The following LARP1B variants were observed in gnomAD, a reference collection of about 807,000 sequenced individuals.
LARP1B encodes La ribonucleoprotein 1B, also known as la-related protein 1B.
Under a neutral mutation model 114.2 loss-of-function variants are expected in LARP1B, and 76 were observed. That is an observed-to-expected ratio of 0.67 (90% CI 0.55 to 0.81). LARP1B has a LOEUF of 0.81. Among genes scored for constraint, LARP1B ranks in the 30% least tolerant of loss-of-function variants. LARP1B has a pLI of 0.00. For missense variants in LARP1B, 1,014 were observed against 1,075.8 expected, an observed-to-expected ratio of 0.94 and a Z score of 0.80; for synonymous variants, 345 against 348.0, an observed-to-expected ratio of 0.99 and a Z score of 0.10.
chr4:128,123,269 T>A (rs1266029380), intron 11 of LARP1B: 29 of 985,440 alleles, frequency 2.9e-5, no homozygotes, highest in Non-Finnish European at 3.5e-5. Context: ...CCTTAGCAGT[T>A]CTCTGCCTGT....
At chr4:128,189,973 A>G (rs911856990) in intron 15 of LARP1B, among the ~76,000 whole-genome samples, 2 of 152,212 alleles carry the variant, frequency 1.3e-5, no homozygotes, top group African/African-American at 4.8e-5. Flanking sequence ...ACATGTAACA[A>G]TTACTGCATT....
intron 15 of LARP1B, among the ~76,000 whole-genome samples, chr4:128,191,824 G>A (rs1303912786): frequency 6.6e-6 from 1 of 152,104 alleles, no homozygotes; most frequent in Non-Finnish European, 1.5e-5. Context: ...TCCTGCAAGG[G>A]AACCCAAGAT....
At chr4:128,144,678 A>G (rs1480175037) in intron 11 of LARP1B, among the ~76,000 whole-genome samples, 1 of 151,838 alleles carries the variant, frequency 6.6e-6, no homozygotes, top group Non-Finnish European at 1.5e-5. Context: ...ATTGGACTGT[A>G]TTTATCATTC....
Position 128,210,458 on chromosome 4 carries a change from CTCT to C in LARP1B, c.*410_*412del, listed in dbSNP as rs902753713. 2.4e-5 allele frequency: 24 copies of C among 1,002,488 alleles called. No individual in the cohort carries two copies. The African/African-American group carries it at 4.2e-4, about 17-fold the overall frequency. 62.1% of individuals were successfully genotyped at this position (1,002,488 alleles called of 1,614,324 possible). On this transcript the variant is annotated 3_prime_UTR_variant, in exon 20 of 20. Coordinates refer to ENST00000326639, the MANE Select transcript of LARP1B (RefSeq NM_018078.4). Reference sequence around the variant, plus strand: ...TAAAGAAGATATAGTATGTTGTATTCTCTTCTTAGAGCTTTCTTAAAGAATCCA... The same window carrying C: ...TAAAGAAGATATAGTATGTTGTATTCTCTTAGAGCTTTCTTAAAGAATCCA...
intron 9 of LARP1B, chr4:128,108,324 C>A: frequency 9.9e-7 from 1 of 1,006,704 alleles, no homozygotes; most frequent in East Asian, 9.9e-5. Context: ...TTCTTAAGTA[C>A]TTTGCTATTC....
At chr4:128,129,846 C>T (rs1019393347) in intron 11 of LARP1B, among the ~76,000 whole-genome samples, 3 of 151,962 alleles carry the variant, frequency 2.0e-5, no homozygotes, top group African/African-American at 7.3e-5. Flanking sequence ...TGAATCTTCA[C>T]CCTTCAGAAA....
intron 11 of LARP1B, chr4:128,123,704 A>G (rs1027226185): frequency 2.1e-5 from 20 of 960,900 alleles, no homozygotes; most frequent in Non-Finnish European, 2.1e-5. Context: ...AACATTATGC[A>G]TTAACCAAAG....
intron 8 of LARP1B, among the ~76,000 whole-genome samples, chr4:128,101,561 GTTTT>G (rs35662647): frequency 7.8e-6 from 1 of 128,686 alleles, no homozygotes; most frequent in Non-Finnish European, 1.7e-5. Flanking sequence ...GAGAAAATTA[GTTTT>G]TTTTTTTTTT....
At chr4:128,083,522 C>T (rs543839893) in intron 5 of LARP1B, among the ~76,000 whole-genome samples, 30 of 139,532 alleles carry the variant, frequency 2.2e-4, no homozygotes, top group African/African-American at 2.7e-4. Flanking sequence ...TAGGGGCGGC[C>T]GGGCAGAGGC....
intron 19 of LARP1B, among the ~76,000 whole-genome samples, chr4:128,209,048 T>A (rs1350296831): frequency 1.3e-5 from 2 of 152,248 alleles, no homozygotes; most frequent in South Asian, 4.1e-4. Context: ...AAACATTTTC[T>A]TGGAGCCAAG....
chr4:128,098,747 G>GTGTGTGTGTGTATATATATATA, intron 8 of LARP1B, among the ~76,000 whole-genome samples: 3 of 15,586 alleles, frequency 1.9e-4, no homozygotes, highest in Admixed American at 9.8e-4. Flanking sequence ...ATATGTATGT[G>GTGTGTGTGTGTATATATATATA]TATATATATA....
intron 5 of LARP1B, among the ~76,000 whole-genome samples, chr4:128,089,969 C>T (rs901346420): frequency 3.3e-5 from 5 of 150,746 alleles, no homozygotes; most frequent in Admixed American, 3.3e-4. Flanking sequence ...GGCAGGGTTT[C>T]GCCATGTTTC....
chr4:128,173,204 A>G (rs1168827780), intron 12 of LARP1B, among the ~76,000 whole-genome samples: 1 of 152,156 alleles, frequency 6.6e-6, no homozygotes, highest in Non-Finnish European at 1.5e-5. Flanking sequence ...ATTGTGGCCC[A>G]TTGGCTGAAA....
At chr4:128,144,282 A>G (rs1729371448) in intron 11 of LARP1B, among the ~76,000 whole-genome samples, 1 of 152,224 alleles carries the variant, frequency 6.6e-6, no homozygotes, top group East Asian at 1.9e-4. Flanking sequence ...GATTTTCAGC[A>G]GTTTTACTAT....
At chr4:128,193,234 C>T (rs1392132895) in intron 15 of LARP1B, among the ~76,000 whole-genome samples, 1 of 152,172 alleles carries the variant, frequency 6.6e-6, no homozygotes, top group African/African-American at 2.4e-5. Flanking sequence ...TACACACATA[C>T]ACACATATAG....
chr4:128,174,308 CA>C (rs201948690), intron 12 of LARP1B, among the ~76,000 whole-genome samples: 8,536 of 151,710 alleles, frequency 0.056, 789 homozygotes, highest in African/African-American at 0.2. Flanking sequence ...TTGTAGTTGA[CA>C]AAAAATGTTA....
chr4:128,168,821 A>G (rs1016994865), intron 12 of LARP1B, among the ~76,000 whole-genome samples: 8 of 151,382 alleles, frequency 5.3e-5, no homozygotes, highest in Non-Finnish European at 1.2e-4. Context: ...GTGTCAGAGG[A>G]ATGCTGGCGT....
intron 1 of LARP1B, among the ~76,000 whole-genome samples, chr4:128,063,808 A>G (rs1413116669): frequency 6.6e-6 from 1 of 152,178 alleles, no homozygotes; most frequent in African/African-American, 2.4e-5. Flanking sequence ...ACAAAACCGT[A>G]TCTTTCTAAA....
rs1770808785 is a variant in LARP1B at position 128,082,323 on chromosome 4, G to A, written c.358+18G>A. On this transcript the variant is annotated intron_variant, in intron 5 of 19. Transcript: ENST00000326639. ...TACACGAAGTAAGTTACCATTCTAA[G>A]ACAAAAATGACTAAGGAAAGACTTA... The A allele has an allele frequency of 6.2e-7, 1 of 1,607,078 alleles. No individual in the cohort carries two copies. The highest frequency in any genetic ancestry group is 1.7e-4 in the Middle Eastern group (1 of 6,038).
Sources: allele counts gnomAD v4.1 joint callset (sites outside exome capture counted in the v4.1 genomes callset), GRCh38; gene constraint gnomAD v4.1.1; transcripts MANE v1.5; gene names NCBI Gene and HGNC (gene_info 2026-07-23, HGNC 2026-07-21).